The following LMO7 variants were observed in gnomAD, a reference collection of about 807,000 sequenced individuals.
LMO7 encodes LIM domain 7, also known as LIM domain only protein 7.
A neutral mutation model predicts 206.5 loss-of-function variants in LMO7; 120 were observed. The ratio of observed to expected loss-of-function variants is 0.58; its 90% CI spans 0.50 to 0.68. The LOEUF is 0.68. LMO7 is among the 30% of genes least tolerant of loss of function. LMO7 has a pLI of 0.00. For missense variants in LMO7, 1,959 were observed against 1,957.9 expected (o/e 1.00, Z -0.01); for synonymous variants, 706 against 681.5 (o/e 1.04, Z -0.56).
chr13:75,711,794 G>T lies in LMO7; in HGVS notation c.70-1388G>T, dbSNP rs556342198. Among the ~76,000 whole-genome samples, 8 of 152,342 alleles carry T rather than the reference G, an allele frequency of 5.3e-5. No individual in the cohort carries two copies. In the East Asian group the frequency reaches 1.4e-3, roughly 26 times the overall value. Reference sequence around the variant, plus strand: ...TTATGAGGCTGTGGGCTCCCTGATGGAAGAGCTGCCTGCCTTCAAAACGTG... The same window carrying T: ...TTATGAGGCTGTGGGCTCCCTGATGTAAGAGCTGCCTGCCTTCAAAACGTG... On this transcript the variant is annotated intron_variant, in intron 1 of 30. Transcript: ENST00000377534.
At chr13:75,818,135 G>A (rs2057234008) in intron 12 of LMO7, among the ~76,000 whole-genome samples, 2 of 152,136 alleles carry the variant, frequency 1.3e-5, no homozygotes. Flanking sequence ...CAATTTAATT[G>A]TCAAGAAACA....
rs201718336 is a variant in LMO7, at chr13:75,828,804, G to T, written c.2950-4247G>T. 1.2e-4 allele frequency among the ~76,000 whole-genome samples: 19 copies of T among 152,238 alleles called. No homozygotes were observed. The East Asian group carries it at 3.5e-3, about 28-fold the overall frequency. On this transcript the variant is annotated intron_variant, in intron 15 of 30. Transcript: ENST00000377534. ...GAACCAAGATGATAACCCAAGGGAGGGTGGCAAAGATGGGGTGATTCAAGA... is the reference window on the plus strand; with the variant it reads ...GAACCAAGATGATAACCCAAGGGAGTGTGGCAAAGATGGGGTGATTCAAGA...
intron 3 of LMO7, among the ~76,000 whole-genome samples, chr13:75,740,834 C>T (rs1275754837): frequency 6.6e-6 from 1 of 152,194 alleles, no homozygotes; most frequent in African/African-American, 2.4e-5. Flanking sequence ...AAGTCCCCTC[C>T]TGTAGCAACG....
chr13:75,775,380 T>C (rs1202700941), intron 4 of LMO7, among the ~76,000 whole-genome samples: 3 of 152,132 alleles, frequency 2.0e-5, no homozygotes, highest in African/African-American at 7.2e-5. Flanking sequence ...GGAAAAACTC[T>C]TCTGGACATT....
intron 3 of LMO7, among the ~76,000 whole-genome samples, chr13:75,737,777 T>TAAAA (rs1391839155): frequency 8.8e-4 from 20 of 22,686 alleles, no homozygotes; most frequent in Non-Finnish European, 1.2e-3. Flanking sequence ...TAAAATAAAA[T>TAAAA]AAAATAAAAA....
intron 1 of LMO7, among the ~76,000 whole-genome samples, chr13:75,663,053 T>C (rs971734069): frequency 6.6e-6 from 1 of 152,208 alleles, no homozygotes; most frequent in Non-Finnish European, 1.5e-5. Context: ...CTCTAATTTT[T>C]AATCCCAATA....
rs542805285 is a variant in LMO7, at chr13:75,856,556, C to T, written c.4821C>T (p.Val1607=). 3 of 1,612,594 alleles carry T rather than the reference C, an allele frequency of 1.9e-6. No individual in the cohort carries two copies. The highest frequency in any genetic ancestry group is 3.3e-5 in the Admixed American group (2 of 59,980). ...GAGGCTCTTCCTCAGGAGCTGAAGT[C>T]AGGATCAGAAACCACCAACTGTACT... ...DLGGSSSGAE[V]RIRNHQLYCN... is the part of the protein sequence containing the mutation. The change falls in exon 30 of 31, where the codon GTC becomes GTT. Residue 1607 remains valine, a synonymous_variant. Transcript: ENST00000377534.
chr13:75,645,698 T>C (rs9573602), intron 1 of LMO7, among the ~76,000 whole-genome samples: 4,581 of 152,250 alleles, frequency 0.03, 186 homozygotes, highest in African/African-American at 0.09. Context: ...AAGAAAATAT[T>C]GTCAGTCTAT....
intron 1 of LMO7, among the ~76,000 whole-genome samples, chr13:75,674,872 C>T (rs535166845): frequency 6.6e-6 from 1 of 152,158 alleles, no homozygotes; most frequent in East Asian, 1.9e-4. Context: ...TAGTGGTATC[C>T]AATCTTTAAA....
Position 75,725,729 on chromosome 13 carries a change from C to T in LMO7, c.141-1300C>T, listed in dbSNP as rs560661127. Among the ~76,000 whole-genome samples, 4 of 152,072 alleles carry T rather than the reference C, an allele frequency of 2.6e-5. No individual in the cohort carries two copies. In the South Asian group the frequency reaches 6.2e-4, roughly 24 times the overall value. On this transcript the variant is annotated intron_variant, in intron 2 of 30. Transcript: ENST00000377534. ...ATGGAATAATTGTTCTAGGAAATTG[C>T]GTTGAGAGAATGGTATTATTAACTA... is the stretch of plus-strand genomic sequence containing the variant.
intron 1 of LMO7, among the ~76,000 whole-genome samples, chr13:75,711,882 T>C (rs2138087109): frequency 6.6e-6 from 1 of 152,298 alleles, no homozygotes; most frequent in African/African-American, 2.4e-5. Flanking sequence ...CACTCAGCCT[T>C]TGTTTAAGTA....
chr13:75,688,306 T>C (rs2041182117), intron 1 of LMO7, among the ~76,000 whole-genome samples: 1 of 152,192 alleles, frequency 6.6e-6, no homozygotes, highest in South Asian at 2.1e-4. Flanking sequence ...ATATAATTGT[T>C]AAAAATCCTG....
chr13:75,661,447 G>T (rs995456095), intron 1 of LMO7, among the ~76,000 whole-genome samples: 15 of 152,156 alleles, frequency 9.9e-5, no homozygotes, highest in African/African-American at 3.6e-4. Context: ...TTGCAAAGTG[G>T]CAGTAAAACC....
rs768831243 is a variant in LMO7 at position 75,760,987 on chromosome 13, A to G, written c.266A>G (p.Gln89Arg). ...ACEQIGLKEA[Q>R]LFHPGDLQDL... ...GAACAGATTGGATTGAAAGAAGCCC[A>G]GCTTTTCCATCCTGGAGATCTACAG... The change falls in exon 4 of 31, where the codon CAG becomes CGG. Residue 89 changes from glutamine to arginine, a missense_variant. Coordinates refer to ENST00000377534, the MANE Select transcript of LMO7 (RefSeq NM_001306080.2). 9 of 1,613,340 alleles carry G rather than the reference A, an allele frequency of 5.6e-6. No homozygotes were observed. The South Asian group carries it at 8.8e-5, about 16-fold the overall frequency.
At chr13:75,646,219 C>G (rs2036993673) in intron 1 of LMO7, among the ~76,000 whole-genome samples, 1 of 152,210 alleles carries the variant, frequency 6.6e-6, no homozygotes, top group Non-Finnish European at 1.5e-5. Flanking sequence ...CACATCCAAT[C>G]TGTGAAGAAA....
At chr13:75,844,866 C>T (rs1311679975) in intron 25 of LMO7, among the ~76,000 whole-genome samples, 1 of 152,140 alleles carries the variant, frequency 6.6e-6, no homozygotes, top group Non-Finnish European at 1.5e-5. Context: ...ACTAAGATGG[C>T]ATTTGGTAAA....
At chr13:75,642,806 C>T (rs1169680918) in intron 1 of LMO7, among the ~76,000 whole-genome samples, 1 of 152,112 alleles carries the variant, frequency 6.6e-6, no homozygotes, top group African/African-American at 2.4e-5. Flanking sequence ...TTTGTATTTT[C>T]CCTCTAAATG....
intron 3 of LMO7, among the ~76,000 whole-genome samples, chr13:75,732,163 T>C (rs933418555): frequency 2.6e-5 from 4 of 152,178 alleles, no homozygotes; most frequent in Non-Finnish European, 5.9e-5. Flanking sequence ...TGAATCTGAA[T>C]GTTGGCCTGC....
chr13:75,835,698 C>T (rs973308124), intron 18 of LMO7, among the ~76,000 whole-genome samples: 1 of 152,066 alleles, frequency 6.6e-6, no homozygotes, highest in African/African-American at 2.4e-5. Flanking sequence ...GTTCCTTAGT[C>T]TTTACTGGCA....
Sources: allele counts gnomAD v4.1 joint callset (sites outside exome capture counted in the v4.1 genomes callset), GRCh38; gene constraint gnomAD v4.1.1; transcripts MANE v1.5; gene names NCBI Gene and HGNC (gene_info 2026-07-23, HGNC 2026-07-21).